The following GRID2 variants were observed in gnomAD, a reference collection of about 807,000 sequenced individuals.
GRID2 encodes glutamate ionotropic receptor delta type subunit 2.
A neutral mutation model predicts 114.8 loss-of-function variants in GRID2; 33 were observed. The ratio of observed to expected loss-of-function variants is 0.29; its 90% confidence interval spans 0.22 to 0.38. GRID2 has a LOEUF of 0.38. Among genes scored for constraint, GRID2 ranks in the 10% least tolerant of loss-of-function variants. GRID2 has a pLI of 1.00. For synonymous variants in GRID2, 505 were observed against 449.9 expected, an observed-to-expected ratio of 1.12 and a Z score of -1.55; for missense variants, 1,184 against 1,257.7, an observed-to-expected ratio of 0.94 and a Z score of 0.89.
At chr4:93,400,641 G>A (rs1010088348) in intron 9 of GRID2, among the ~76,000 whole-genome samples, 1 of 151,990 alleles carries the variant, frequency 6.6e-6, no homozygotes, top group Non-Finnish European at 1.5e-5. Flanking sequence ...TAAAAGAAAG[G>A]CGTGCGAAGC....
chr4:92,745,025 A>G (rs1164014149), intron 2 of GRID2, among the ~76,000 whole-genome samples: 1 of 152,176 alleles, frequency 6.6e-6, no homozygotes, highest in East Asian at 1.9e-4. Flanking sequence ...AAATGAGAAG[A>G]TTCTAGCACT....
intron 1 of GRID2, among the ~76,000 whole-genome samples, chr4:92,585,217 G>C (rs1175282774): frequency 6.6e-6 from 1 of 151,776 alleles, no homozygotes; most frequent in African/African-American, 2.4e-5. Context: ...AATTTGGGGG[G>C]TAGAGAGAGT....
At chr4:92,725,515 A>G (rs576001265) in intron 2 of GRID2, among the ~76,000 whole-genome samples, 55 of 152,278 alleles carry the variant, frequency 3.6e-4, no homozygotes, top group Middle Eastern at 6.8e-3. Context: ...AGAACATCTG[A>G]TAATTTTTAC....
At chr4:93,090,555 A>G (rs1042504872) in intron 3 of GRID2, among the ~76,000 whole-genome samples, 1 of 152,184 alleles carries the variant, frequency 6.6e-6, no homozygotes, top group Non-Finnish European at 1.5e-5. Flanking sequence ...GATGAATCCC[A>G]TAGTAGGATA....
intron 2 of GRID2, among the ~76,000 whole-genome samples, chr4:92,847,021 G>A (rs1195263331): frequency 6.6e-6 from 1 of 152,030 alleles, no homozygotes; most frequent in Non-Finnish European, 1.5e-5. Context: ...CATTTAAAAT[G>A]TAAAGATACC....
chr4:93,749,864 T>A (rs1277409355), intron 14 of GRID2, among the ~76,000 whole-genome samples: 1 of 152,200 alleles, frequency 6.6e-6, no homozygotes, highest in Non-Finnish European at 1.5e-5. Context: ...CCCTTATGCC[T>A]GAGTTTCTAA....
chr4:93,110,868 T>C lies in GRID2; in HGVS notation c.650T>C (p.Ile217Thr), dbSNP rs569692509. 8.1e-6 allele frequency: 13 copies of C among 1,612,182 alleles called. No homozygotes were observed. Among genetic ancestry groups the C allele is most frequent in the South Asian group, 3.3e-5 (3 of 91,034 alleles). The change falls in exon 4 of 16, where the codon ATA (isoleucine) becomes ACA (threonine). Residue 217 changes from isoleucine (I) to threonine (T), a missense_variant. Coordinates refer to ENST00000282020, the MANE Select transcript of GRID2 (RefSeq NM_001510.4). ...ACCACTCTCTTTGACACCATGAGAA[T>C]AGAAGAACTGAATCGCTATCGAGAC... ...MITTLFDTMRIEELNRYRDTL... is the reference protein window; with the variant it reads ...MITTLFDTMRTEELNRYRDTL...
chr4:92,967,827 G>A (rs1368783042), intron 2 of GRID2, among the ~76,000 whole-genome samples: 6 of 151,894 alleles, frequency 4.0e-5, no homozygotes, highest in Non-Finnish European at 1.5e-5. Context: ...ACATCTTTCA[G>A]TGAGCAGCAA....
chr4:92,310,046 C>A (rs1161574871), intron 1 of GRID2, among the ~76,000 whole-genome samples: 1 of 151,816 alleles, frequency 6.6e-6, no homozygotes, highest in African/African-American at 2.4e-5. Flanking sequence ...ATAATGTCAA[C>A]CATTGAGTTT....
At chr4:92,320,641 C>T (rs995884153) in intron 1 of GRID2, among the ~76,000 whole-genome samples, 1 of 151,856 alleles carries the variant, frequency 6.6e-6, no homozygotes, top group African/African-American at 2.4e-5. Context: ...ACATGCCTAG[C>T]TAATTTTTGT....
chr4:92,322,240 A>C (rs1726351016), intron 1 of GRID2, among the ~76,000 whole-genome samples: 1 of 151,980 alleles, frequency 6.6e-6, no homozygotes, highest in Non-Finnish European at 1.5e-5. Context: ...ATGATATCTC[A>C]TTATAAATTT....
At chr4:93,043,400 A>G (rs938907962) in intron 2 of GRID2, among the ~76,000 whole-genome samples, 14 of 152,186 alleles carry the variant, frequency 9.2e-5, no homozygotes, top group Middle Eastern at 3.2e-3. Context: ...AAATGGTGCA[A>G]TACGTCATAT....
chr4:93,196,583 AT>A (rs1026252248), intron 4 of GRID2, among the ~76,000 whole-genome samples: 1 of 152,112 alleles, frequency 6.6e-6, no homozygotes, highest in Non-Finnish European at 1.5e-5. Context: ...ATGAGAAATA[AT>A]TAGCCTCCAT....
intron 1 of GRID2, among the ~76,000 whole-genome samples, chr4:92,443,861 A>G (rs1452232828): frequency 2.6e-5 from 4 of 152,214 alleles, no homozygotes; most frequent in Non-Finnish European, 5.9e-5. Context: ...ATTAAACACC[A>G]AGGGAAGGCT....
intron 4 of GRID2, among the ~76,000 whole-genome samples, chr4:93,116,192 T>C (rs1013045484): frequency 1.3e-5 from 2 of 152,178 alleles, no homozygotes; most frequent in South Asian, 4.1e-4. Context: ...AGTATAGTAA[T>C]TGTAAAGACA....
Position 92,540,312 on chromosome 4 carries a change from C to A in GRID2, c.89-49819C>A, listed in dbSNP as rs866286125. ...TTGACAAATGGGATCTAATTAAACT[C>A]AAGAGCTTCTGCACAGCAAAAGAAA... On this transcript the variant is annotated intron_variant, in intron 1 of 15. Transcript: ENST00000282020. Among the ~76,000 whole-genome samples, 42 of 152,098 alleles carry A rather than the reference C, an allele frequency of 2.8e-4. No individual in the cohort carries two copies. In the South Asian group the frequency reaches 4.1e-3, roughly 15 times the overall value.
At chr4:92,876,689 A>G (rs1050990078) in intron 2 of GRID2, among the ~76,000 whole-genome samples, 2 of 152,312 alleles carry the variant, frequency 1.3e-5, no homozygotes, top group South Asian at 2.1e-4. Flanking sequence ...AAAATGCATC[A>G]TCTGAGATCT....
intron 2 of GRID2, among the ~76,000 whole-genome samples, chr4:93,045,362 T>C (rs1422112566): frequency 6.6e-6 from 1 of 152,138 alleles, no homozygotes; most frequent in Non-Finnish European, 1.5e-5. Flanking sequence ...CTAGTTTCCC[T>C]CAGTTTTATG....
intron 4 of GRID2, among the ~76,000 whole-genome samples, chr4:93,199,876 A>G (rs1175921850): frequency 6.6e-6 from 1 of 152,226 alleles, no homozygotes. Flanking sequence ...AAAAACAGCA[A>G]CAATAACCAG....
Sources: allele counts gnomAD v4.1 joint callset (sites outside exome capture counted in the v4.1 genomes callset), GRCh38; gene constraint gnomAD v4.1.1; transcripts MANE v1.5; gene names NCBI Gene and HGNC (gene_info 2026-07-23, HGNC 2026-07-21).